Variants in MPPED2 observed in about 807,000 individuals in gnomAD.
MPPED2 encodes metallophosphoesterase MPPED2.
Under a neutral mutation model 33.0 loss-of-function variants are expected in MPPED2, and 5 were observed. The observed-to-expected ratio is 0.15, with a 90% CI of 0.08 to 0.32. The LOEUF (loss-of-function observed/expected upper bound fraction) is 0.32. Among genes scored for constraint, MPPED2 ranks in the 10% least tolerant of loss-of-function variants. The pLI is 1.00. For synonymous variants in MPPED2, 136 were observed against 141.9 expected (o/e 0.96, Z 0.29); for missense variants, 275 against 372.1 (o/e 0.74, Z 2.15).
At chr11:30,418,967 T>G (rs1214228673) in intron 4 of MPPED2, among the ~76,000 whole-genome samples, 1 of 152,152 alleles carries the variant, frequency 6.6e-6, no homozygotes, top group Non-Finnish European at 1.5e-5. Context: ...GTGGAGAAAG[T>G]TCCAGAGAGA....
At chr11:30,583,178 G>C (rs1194478818) in intron 1 of MPPED2, among the ~76,000 whole-genome samples, 2 of 75,730 alleles carry the variant, frequency 2.6e-5, no homozygotes, top group African/African-American at 1.3e-4. Context: ...TAAACTCTCA[G>C]AGACAAGGGA....
intron 3 of MPPED2, among the ~76,000 whole-genome samples, chr11:30,513,825 A>G (rs889097507): frequency 1.3e-5 from 2 of 152,172 alleles, no homozygotes; most frequent in African/African-American, 4.8e-5. Context: ...AAAAGTAAAG[A>G]TTTCAGGATG....
chr11:30,583,134 CTTTTTTTTTTTTTTTTTTT>C (rs199611856), intron 1 of MPPED2, among the ~76,000 whole-genome samples: 1 of 96,708 alleles, frequency 1.0e-5, no homozygotes, highest in Non-Finnish European at 2.0e-5. Context: ...AAGACTTTTT[CTTTTTTTTTTTTTTTTTTT>C]TTTTTTTTTT....
chr11:30,471,819 G>A (rs1456459103), intron 4 of MPPED2, among the ~76,000 whole-genome samples: 3 of 152,186 alleles, frequency 2.0e-5, no homozygotes, highest in Non-Finnish European at 4.4e-5. Flanking sequence ...TACCATTGAT[G>A]CAGGGGTGCA....
chr11:30,525,010 G>A (rs2134403227), intron 3 of MPPED2, among the ~76,000 whole-genome samples: 1 of 152,260 alleles, frequency 6.6e-6, no homozygotes, highest in African/African-American at 2.4e-5. Context: ...TTGATAGGCA[G>A]ACTTACCCTA....
At chr11:30,459,449 GA>G (rs1427992555) in intron 4 of MPPED2, among the ~76,000 whole-genome samples, 3 of 152,026 alleles carry the variant, frequency 2.0e-5, no homozygotes, top group African/African-American at 4.8e-5. Context: ...TCCCAGCCTA[GA>G]AAATAAAACC....
intron 2 of MPPED2, among the ~76,000 whole-genome samples, chr11:30,573,076 T>C (rs1956775482): frequency 6.6e-6 from 1 of 152,202 alleles, no homozygotes; most frequent in South Asian, 2.1e-4. Flanking sequence ...TATTACTGTA[T>C]ACTCTTTTAG....
intron 3 of MPPED2, 24 bp downstream of exon 3, chr11:30,535,970 C>G: frequency 6.4e-7 from 1 of 1,561,292 alleles, no homozygotes; most frequent in Non-Finnish European, 8.7e-7. Flanking sequence ...TAATTGGGGC[C>G]GCCAGAACGC....
At chr11:30,563,775 T>C (rs1956328956) in intron 2 of MPPED2, among the ~76,000 whole-genome samples, 1 of 152,214 alleles carries the variant, frequency 6.6e-6, no homozygotes, top group Admixed American at 6.5e-5. Flanking sequence ...TACTGAATCA[T>C]GGACAAGGCA....
At chr11:30,390,823 G>A (rs992308128) in intron 6 of MPPED2, among the ~76,000 whole-genome samples, 1 of 152,180 alleles carries the variant, frequency 6.6e-6, no homozygotes, top group African/African-American at 2.4e-5. Flanking sequence ...TGGCAGTGGT[G>A]CTACCTGTTG....
At chr11:30,501,952 A>G (rs942412228) in intron 3 of MPPED2, among the ~76,000 whole-genome samples, 1 of 152,134 alleles carries the variant, frequency 6.6e-6, no homozygotes, top group Non-Finnish European at 1.5e-5. Flanking sequence ...AAGCCTCCCC[A>G]GGGATGGAGA....
chr11:30,413,729 A>G (rs1333875386), intron 6 of MPPED2, among the ~76,000 whole-genome samples: 1 of 152,196 alleles, frequency 6.6e-6, no homozygotes, highest in African/African-American at 2.4e-5. Context: ...TCTGTTACAT[A>G]TCTTTCATTG....
intron 4 of MPPED2, 150 bp from the exon 5 acceptor site, chr11:30,417,783 A>C: frequency 1.7e-6 from 1 of 598,718 alleles, no homozygotes. Flanking sequence ...TTTTTTGTTG[A>C]CTGCTTCAAA....
intron 3 of MPPED2, among the ~76,000 whole-genome samples, chr11:30,510,741 G>T (rs959297896): frequency 6.6e-6 from 1 of 152,086 alleles, no homozygotes; most frequent in African/African-American, 2.4e-5. Context: ...AATTACTTTG[G>T]AGCGTTCTGA....
At chr11:30,477,284 A>G (rs1323801661) in intron 4 of MPPED2, among the ~76,000 whole-genome samples, 1 of 152,046 alleles carries the variant, frequency 6.6e-6, no homozygotes, top group Non-Finnish European at 1.5e-5. Flanking sequence ...GTATCAATCC[A>G]AGAATCCTTA....
chr11:30,574,200 C>G (rs1051542853), intron 2 of MPPED2, among the ~76,000 whole-genome samples: 4 of 152,172 alleles, frequency 2.6e-5, no homozygotes, highest in African/African-American at 9.6e-5. Flanking sequence ...ATGCCCCATT[C>G]ATGTAAGTGC....
intron 3 of MPPED2, among the ~76,000 whole-genome samples, chr11:30,526,732 C>T (rs1308917361): frequency 6.6e-6 from 1 of 150,762 alleles, no homozygotes; most frequent in Non-Finnish European, 1.5e-5. Flanking sequence ...CCTACCTTTA[C>T]CTCTTTATTA....
At chr11:30,389,312 C>T (rs1043533595) in intron 6 of MPPED2, among the ~76,000 whole-genome samples, 5 of 152,180 alleles carry the variant, frequency 3.3e-5, no homozygotes, top group African/African-American at 1.2e-4. Context: ...TGAGGTGGAA[C>T]ATAGTGTGTG....
intron 4 of MPPED2, among the ~76,000 whole-genome samples, chr11:30,473,019 T>C (rs751078848): frequency 2.6e-5 from 4 of 152,228 alleles, no homozygotes; most frequent in Non-Finnish European, 5.9e-5. Context: ...TTATATATAC[T>C]TATTTTTGGT....
Sources: gnomAD v4.1 joint callset for allele counts (sites outside exome capture counted in the v4.1 genomes callset) on GRCh38, gnomAD v4.1.1 for gene constraint, MANE v1.5 for transcripts, NCBI Gene and HGNC (gene_info 2026-07-23, HGNC 2026-07-21) for gene names.